ATP10A: variants seen among roughly 807,000 people sequenced by gnomAD.
The protein encoded by ATP10A is phospholipid-transporting ATPase VA.
A neutral mutation model predicts 147.8 loss-of-function variants in ATP10A; 111 were observed. That is an observed-to-expected ratio of 0.75 (90% CI 0.64 to 0.88). The LOEUF (loss-of-function observed/expected upper bound fraction) is 0.88, where lower values mean the gene tolerates loss of function less well. Ranked by LOEUF, ATP10A falls within the 40% of genes least tolerant of loss-of-function variation. ATP10A has a pLI of 0.00. For missense variants in ATP10A, 1,927 were observed against 1,959.0 expected (o/e 0.98, Z 0.31); for synonymous variants, 875 against 841.6 (o/e 1.04, Z -0.69).
At chr15:25,715,377 T>A (rs937610631) in intron 9 of ATP10A, among the ~76,000 whole-genome samples, 18 of 152,296 alleles carry the variant, frequency 1.2e-4, no homozygotes, top group Middle Eastern at 3.4e-3. Flanking sequence ...CCCAGAGACA[T>A]CTTCACCTGC....
intron 2 of ATP10A, among the ~76,000 whole-genome samples, chr15:25,744,768 G>A (rs1208206969): frequency 6.6e-6 from 1 of 152,140 alleles, no homozygotes; most frequent in Non-Finnish European, 1.5e-5. Flanking sequence ...ATGGGAAGAT[G>A]AAAGGATGAG....
intron 8 of ATP10A, among the ~76,000 whole-genome samples, chr15:25,717,602 A>G (rs1378115139): frequency 1.3e-5 from 2 of 152,154 alleles, no homozygotes; most frequent in Non-Finnish European, 2.9e-5. Context: ...CCCTATTTAG[A>G]TGGCAGCTTC....
chr15:25,847,537 G>A (rs922905906), intron 1 of ATP10A, among the ~76,000 whole-genome samples: 2 of 149,900 alleles, frequency 1.3e-5, no homozygotes, highest in Non-Finnish European at 2.9e-5. Context: ...TGCGGGTCAC[G>A]GGGTCTTCAT....
chr15:25,735,739 C>T (rs2140486815), intron 3 of ATP10A, among the ~76,000 whole-genome samples: 1 of 152,262 alleles, frequency 6.6e-6, no homozygotes. Flanking sequence ...GTTAACGGGG[C>T]CATGTGTGGT....
intron 15 of ATP10A, among the ~76,000 whole-genome samples, chr15:25,688,500 AG>A (rs777206437): frequency 4.1e-4 from 63 of 152,228 alleles, no homozygotes; most frequent in Non-Finnish European, 8.7e-4. Flanking sequence ...TACGCAGTGA[AG>A]CCAACTAGGC....
rs972280348 is a variant in ATP10A at position 25,713,939 on chromosome 15, G to C, written c.2079C>G (p.Tyr693Ter). ...QEQESERELR[Y>*]EAESPDEAAL... ...CGGCCTCATCCGGGCTCTCCGCCTC[G>C]TACCGCAGCTCGCGCTCTGACTCCT... The change falls in exon 10 of 21, where the codon TAC (tyrosine) becomes TAG (stop). Residue 693 changes from tyrosine to a stop codon, truncating the protein, a stop_gained. Transcript: ENST00000555815. LOFTEE classifies it high-confidence loss of function. 1 of 1,611,532 alleles carries C rather than the reference G, an allele frequency of 6.2e-7. No individual in the cohort carries two copies. The highest frequency in any genetic ancestry group is 2.2e-5 in the East Asian group (1 of 44,872).
intron 2 of ATP10A, among the ~76,000 whole-genome samples, chr15:25,770,808 G>A (rs772683109): frequency 9.2e-5 from 14 of 152,170 alleles, no homozygotes; most frequent in Non-Finnish European, 1.6e-4. Context: ...CCTGCCCTGA[G>A]GATGACTCTG....
chr15:25,731,489 G>C (rs538127740), intron 3 of ATP10A, among the ~76,000 whole-genome samples: 22 of 152,196 alleles, frequency 1.4e-4, no homozygotes, highest in Non-Finnish European at 2.8e-4. Context: ...TTATTCTTTA[G>C]GGGAAAGTGC....
intron 2 of ATP10A, among the ~76,000 whole-genome samples, chr15:25,746,298 T>A (rs1454074174): frequency 6.6e-6 from 1 of 152,096 alleles, no homozygotes; most frequent in Admixed American, 6.6e-5. Context: ...GTTCAACTCA[T>A]TTGAAAAATA....
intron 2 of ATP10A, among the ~76,000 whole-genome samples, chr15:25,780,603 C>T (rs1218559958): frequency 6.6e-6 from 1 of 152,182 alleles, no homozygotes; most frequent in African/African-American, 2.4e-5. Context: ...GAAGACCTCG[C>T]GCTGAACCCA....
chr15:25,793,927 G>A (rs1292343345), intron 1 of ATP10A, among the ~76,000 whole-genome samples: 1 of 152,212 alleles, frequency 6.6e-6, no homozygotes, highest in Non-Finnish European at 1.5e-5. Flanking sequence ...CACCAGTGCT[G>A]TCTAGGGACC....
downstream of ATP10A, among the ~76,000 whole-genome samples, chr15:25,674,561 T>G (rs1344953109): frequency 6.6e-6 from 1 of 152,222 alleles, no homozygotes; most frequent in Non-Finnish European, 1.5e-5. Context: ...AAAAAGAAAC[T>G]TCACAGCTTC....
At position 25,704,730 on chromosome 15, in the gene ATP10A, C is replaced by T. The variant is rs77236980; in HGVS notation, c.2576-2630G>A. Among the ~76,000 whole-genome samples, 5 of 152,352 alleles carry T rather than the reference C, an allele frequency of 3.3e-5. No individual in the cohort carries two copies. In the East Asian group the frequency reaches 9.7e-4, roughly 29 times the overall value. On this transcript the variant is annotated intron_variant, in intron 12 of 20. Transcript: ENST00000555815. ...AACATGGCAGAGGAAAGAGTACCTG[C>T]AGGCAGCAGCCTTTCAAGATGATTT... is the stretch of plus-strand genomic sequence containing the variant.
downstream of ATP10A, among the ~76,000 whole-genome samples, chr15:25,674,409 T>C (rs751683514): frequency 5.0e-5 from 5 of 100,084 alleles, no homozygotes; most frequent in Non-Finnish European, 8.0e-5. Context: ...CTTCCCAGCG[T>C]AGGGACTGCT....
intron 15 of ATP10A, 124 bp from the exon 16 acceptor site, chr15:25,687,952 GT>G: frequency 7.2e-7 from 1 of 1,394,154 alleles, no homozygotes; most frequent in Non-Finnish European, 1.0e-6. Flanking sequence ...CAGTGCGAGC[GT>G]GGCCGGCCAG....
chr15:25,787,616 A>AG (rs1481797375), intron 1 of ATP10A, among the ~76,000 whole-genome samples: 2 of 125,460 alleles, frequency 1.6e-5, no homozygotes, highest in Non-Finnish European at 3.5e-5. Flanking sequence ...CTTCTTAAAA[A>AG]AAAAAAAAAA....
chr15:25,776,920 G>A (rs902988499), intron 2 of ATP10A, among the ~76,000 whole-genome samples: 2 of 152,070 alleles, frequency 1.3e-5, no homozygotes, highest in African/African-American at 4.8e-5. Flanking sequence ...TCCTCTTTCT[G>A]GAACCTCCCT....
rs375321158 is a variant in ATP10A, at chr15:25,713,815, C to T, written c.2203G>A (p.Glu735Lys). The T allele has an allele frequency of 2.3e-5, 37 of 1,614,028 alleles. No homozygotes were observed. The highest frequency in any genetic ancestry group is 3.1e-5 in the Non-Finnish European group (36 of 1,180,020). The change falls in exon 10 of 21, where the codon GAG (glutamate) becomes AAG (lysine). Residue 735 changes from glutamate (E) to lysine (K), a missense_variant. Transcript: ENST00000555815. The stretch of plus-strand genomic sequence containing the variant: ...TCGAAACCCAGTGTGTGCAGGAGCT[C>T]GAAGGTGAGCCTGCCCAGGTGGGGC... ...ELPHLGRLTF[E>K]LLHTLGFDSV...
rs114305219 is a variant in ATP10A, at chr15:25,842,118, G to A, written c.449+20530C>T. 7.7e-3 allele frequency among the ~76,000 whole-genome samples: 1,168 copies of A among 152,334 alleles called. 18 individuals carry two copies. Among genetic ancestry groups the A allele is most frequent in the African/African-American group, 0.026 (1,099 of 41,572 alleles). On this transcript the variant is annotated intron_variant, in intron 1 of 20. Transcript: ENST00000555815. The stretch of plus-strand genomic sequence containing the variant: ...TGGGTCTGGGTCTCCTGGAGCCACC[G>A]GATAGGGAGTGGTCCACACAGCAGC...
Sources: gnomAD v4.1 joint callset for allele counts (sites outside exome capture counted in the v4.1 genomes callset) on GRCh38, gnomAD v4.1.1 for gene constraint, MANE v1.5 for transcripts, NCBI Gene and HGNC (gene_info 2026-07-23, HGNC 2026-07-21) for gene names.